ZCCHC14: variants seen among roughly 807,000 people sequenced by gnomAD.
ZCCHC14 encodes zinc finger CCHC domain-containing protein 14.
Under a neutral mutation model 85.0 loss-of-function variants are expected in ZCCHC14, and 16 were observed. That is an observed-to-expected ratio of 0.19 (90% CI 0.13 to 0.29). The LOEUF (loss-of-function observed/expected upper bound fraction) is 0.29. Ranked by LOEUF, ZCCHC14 falls within the 10% of genes least tolerant of loss-of-function variation. The probability of loss-of-function intolerance (pLI) is 1.00; values close to 1 mark genes in which losing one functional copy is unlikely to be tolerated. For synonymous variants in ZCCHC14, 775 were observed against 630.7 expected, an observed-to-expected ratio of 1.23 and a Z score of -3.43; for missense variants, 1,303 against 1,443.5, an observed-to-expected ratio of 0.90 and a Z score of 1.58.
At chr16:87,428,397 A>C (rs559520333) in intron 3 of ZCCHC14, among the ~76,000 whole-genome samples, 2 of 152,234 alleles carry the variant, frequency 1.3e-5, no homozygotes, top group African/African-American at 2.4e-5. Flanking sequence ...AAAGCACAGC[A>C]GGCATTCCTA....
At chr16:87,490,906 C>T (rs1362787723) in intron 1 of ZCCHC14, among the ~76,000 whole-genome samples, 1 of 152,238 alleles carries the variant, frequency 6.6e-6, no homozygotes, top group African/African-American at 2.4e-5. Context: ...ATGTCCCGCG[C>T]CCAGGCCCCC....
intron 7 of ZCCHC14, 188 bp from the exon 8 acceptor site, chr16:87,417,930 G>C: frequency 1.5e-6 from 1 of 645,416 alleles, no homozygotes; most frequent in Non-Finnish European, 2.6e-6. Context: ...CCACCTTTCT[G>C]CAGCTAAGAT....
intron 3 of ZCCHC14, among the ~76,000 whole-genome samples, chr16:87,428,778 C>G (rs571823693): frequency 6.6e-6 from 1 of 152,192 alleles, no homozygotes; most frequent in East Asian, 1.9e-4. Context: ...GACTCATAAA[C>G]GGACTCACTG....
intron 1 of ZCCHC14, among the ~76,000 whole-genome samples, chr16:87,479,550 T>C (rs1912174420): frequency 6.6e-6 from 1 of 152,208 alleles, no homozygotes; most frequent in Non-Finnish European, 1.5e-5. Context: ...CTGATGTCAC[T>C]GTTGAAAGTA....
At chr16:87,456,929 T>C (rs1262086527) in intron 2 of ZCCHC14, among the ~76,000 whole-genome samples, 2 of 152,220 alleles carry the variant, frequency 1.3e-5, no homozygotes, top group African/African-American at 2.4e-5. Context: ...TTTAAAAAAT[T>C]ATAATTCCTC....
chr16:87,417,214 G>A (rs911380300), intron 8 of ZCCHC14, among the ~76,000 whole-genome samples: 1 of 152,196 alleles, frequency 6.6e-6, no homozygotes, highest in African/African-American at 2.4e-5. Flanking sequence ...CCGTCACGCA[G>A]AGCATCTAGT....
At chr16:87,425,780 G>A (rs978619516) in intron 3 of ZCCHC14, among the ~76,000 whole-genome samples, 2 of 152,120 alleles carry the variant, frequency 1.3e-5, no homozygotes, top group Non-Finnish European at 2.9e-5. Context: ...TGCTGACAGC[G>A]TGTCTCTTTC....
intron 1 of ZCCHC14, among the ~76,000 whole-genome samples, chr16:87,462,636 A>C (rs1911321016): frequency 6.6e-6 from 1 of 151,966 alleles, no homozygotes; most frequent in Non-Finnish European, 1.5e-5. Flanking sequence ...GCTACTCGGG[A>C]GGCTGAGGCA....
chr16:87,468,098 A>T (rs1213863815), intron 1 of ZCCHC14, among the ~76,000 whole-genome samples: 1 of 152,228 alleles, frequency 6.6e-6, no homozygotes, highest in Non-Finnish European at 1.5e-5. Flanking sequence ...TGGTACATTT[A>T]AGATAGATTA....
intron 2 of ZCCHC14, among the ~76,000 whole-genome samples, chr16:87,434,065 G>A (rs1909793585): frequency 1.3e-5 from 2 of 152,184 alleles, no homozygotes; most frequent in African/African-American, 4.8e-5. Context: ...GGGCTGCAGT[G>A]AATGAAGCTG....
intron 1 of ZCCHC14, among the ~76,000 whole-genome samples, chr16:87,469,762 G>A (rs1013228330): frequency 9.2e-5 from 14 of 152,268 alleles, no homozygotes; most frequent in Non-Finnish European, 8.8e-5. Flanking sequence ...TGGGCCTCCC[G>A]GAAGGCAGGG....
At position 87,492,484 on chromosome 16, in the gene ZCCHC14, C is replaced by A. The variant is rs1465999713; in HGVS notation, c.-246G>T. ...CGCGGGGCGCCGGGGGGGCCCGGGG[C>A]GGCCGGGGCGGCCGGGGGCGGCGAG... is the stretch of plus-strand genomic sequence containing the variant. On this transcript the variant is annotated 5_prime_UTR_variant, in exon 1 of 13. Coordinates refer to ENST00000671377, the MANE Select transcript of ZCCHC14 (RefSeq NM_015144.3). The surrounding 1 kb of genome is among the most constrained non-coding windows in gnomAD (Gnocchi z 6.7). 6.9e-6 allele frequency: 1 copy of A among 144,436 alleles called. No homozygotes were observed. Among genetic ancestry groups the A allele is most frequent in the Admixed American group, 6.8e-5 (1 of 14,634 alleles). The allele number at this position is 144,436 out of a possible 1,614,324, so 8.9% of individuals were successfully genotyped here.
At chr16:87,469,881 A>G (rs1269445972) in intron 1 of ZCCHC14, among the ~76,000 whole-genome samples, 3 of 152,152 alleles carry the variant, frequency 2.0e-5, no homozygotes, top group Non-Finnish European at 4.4e-5. Context: ...TGTTCCCTGC[A>G]CTGGGGGCCA....
At chr16:87,439,624 T>A (rs962060382) in intron 2 of ZCCHC14, among the ~76,000 whole-genome samples, 2 of 152,230 alleles carry the variant, frequency 1.3e-5, no homozygotes, top group African/African-American at 4.8e-5. Flanking sequence ...TATATACATA[T>A]ATCAAAATAT....
intron 2 of ZCCHC14, among the ~76,000 whole-genome samples, chr16:87,459,496 C>T (rs1911148135): frequency 6.6e-6 from 1 of 151,156 alleles, no homozygotes; most frequent in African/African-American, 2.4e-5. Flanking sequence ...AAGCGTGCAC[C>T]ACCAGGCCTG....
intron 2 of ZCCHC14, among the ~76,000 whole-genome samples, chr16:87,454,937 T>C (rs1291176196): frequency 1.3e-5 from 2 of 152,198 alleles, no homozygotes; most frequent in Non-Finnish European, 2.9e-5. Context: ...GCATAAATGC[T>C]CTGCCACGGC....
chr16:87,418,770 C>A (rs1376425986), intron 7 of ZCCHC14, 77 bp downstream of exon 7: 7 of 1,424,860 alleles, frequency 4.9e-6, no homozygotes, highest in South Asian at 1.2e-5. Flanking sequence ...ATTCTTGGAA[C>A]AACTTTACAC....
chr16:87,486,256 T>G (rs1912508029), intron 1 of ZCCHC14, among the ~76,000 whole-genome samples: 1 of 150,746 alleles, frequency 6.6e-6, no homozygotes, highest in Non-Finnish European at 1.5e-5. Flanking sequence ...CCCAGCACGG[T>G]CACGCACTGC....
intron 3 of ZCCHC14, among the ~76,000 whole-genome samples, 155 bp from the exon 4 acceptor site, chr16:87,424,036 T>C (rs1409455615): frequency 6.6e-6 from 1 of 152,122 alleles, no homozygotes; most frequent in Non-Finnish European, 1.5e-5. Context: ...TCCCTTGACT[T>C]GTTACAGAAA....
Sources: allele counts gnomAD v4.1 joint callset (sites outside exome capture counted in the v4.1 genomes callset), GRCh38; gene constraint gnomAD v4.1.1; non-coding constraint Gnocchi (gnomAD v3.1); transcripts MANE v1.5; gene names NCBI Gene and HGNC (gene_info 2026-07-23, HGNC 2026-07-21).